The following PIGN variants were observed in gnomAD, a reference collection of about 807,000 sequenced individuals.
The protein encoded by PIGN is GPI ethanolamine phosphate transferase 1.
A neutral mutation model predicts 125.4 loss-of-function variants in PIGN; 117 were observed. The observed-to-expected ratio is 0.93, with a 90% CI of 0.80 to 1.09. The LOEUF (loss-of-function observed/expected upper bound fraction) is 1.09, where lower values mean the gene tolerates loss of function less well. Ranked by LOEUF, PIGN falls within the 50% of genes least tolerant of loss-of-function variation. The pLI, the probability that PIGN is intolerant of heterozygous loss-of-function variation, is 0.00. For missense variants in PIGN, 1,075 were observed against 1,094.9 expected, an observed-to-expected ratio of 0.98 and a Z score of 0.26; for synonymous variants, 392 against 377.8, an observed-to-expected ratio of 1.04 and a Z score of -0.44.
intron 28 of PIGN, among the ~76,000 whole-genome samples, chr18:62,076,705 C>T (rs1374889115): frequency 6.6e-6 from 1 of 152,082 alleles, no homozygotes; most frequent in Non-Finnish European, 1.5e-5. Flanking sequence ...AATTGTTTTT[C>T]TAACCATAGG....
chr18:62,168,597 T>C (rs1018086794), intron 1 of PIGN, among the ~76,000 whole-genome samples: 8 of 152,210 alleles, frequency 5.3e-5, no homozygotes, highest in African/African-American at 1.9e-4. Context: ...TACTCTCTTA[T>C]ACACCTACAG....
chr18:62,038,120 A>C (rs1456031017), downstream of PIGN, among the ~76,000 whole-genome samples: 1 of 152,208 alleles, frequency 6.6e-6, no homozygotes, highest in African/African-American at 2.4e-5. Flanking sequence ...AGTATTAGGC[A>C]TGAAAGCAGC....
At chr18:62,111,859 A>G (rs1045831196) in intron 16 of PIGN, among the ~76,000 whole-genome samples, 2 of 152,196 alleles carry the variant, frequency 1.3e-5, no homozygotes, top group Non-Finnish European at 2.9e-5. Flanking sequence ...CATACACTCA[A>G]TTAAATATTG....
At chr18:62,121,435 T>C (rs990131105) in intron 14 of PIGN, among the ~76,000 whole-genome samples, 4 of 152,204 alleles carry the variant, frequency 2.6e-5, no homozygotes, top group Non-Finnish European at 5.9e-5. Flanking sequence ...TGAATATTAT[T>C]CAATAAATAT....
At chr18:62,139,281 C>G (rs1222046063) in intron 12 of PIGN, among the ~76,000 whole-genome samples, 10 of 152,110 alleles carry the variant, frequency 6.6e-5, no homozygotes, top group Non-Finnish European at 1.5e-5. Flanking sequence ...GTAAGCAAAG[C>G]AAGAGATGAA....
intron 1 of PIGN, among the ~76,000 whole-genome samples, chr18:62,165,282 A>C (rs191726059): frequency 6.6e-6 from 1 of 152,300 alleles, no homozygotes; most frequent in Admixed American, 6.5e-5. Context: ...CCTCACCAGA[A>C]GCCAGGTCCG....
At chr18:62,178,130 C>T (rs1359010916) in intron 1 of PIGN, among the ~76,000 whole-genome samples, 1 of 152,102 alleles carries the variant, frequency 6.6e-6, no homozygotes, top group Non-Finnish European at 1.5e-5. Flanking sequence ...AAAGTCCATA[C>T]TAAATACAAG....
Position 62,161,401 on chromosome 18 carries a change from A to T in PIGN, c.-32-16T>A. The stretch of plus-strand genomic sequence containing the variant: ...TCAAGAACAGCTGAAAGAGAGAACA[A>T]AATTAAATTGGGGTAAATCTTAATG... On this transcript the variant is annotated splice_polypyrimidine_tract_variant and intron_variant, in intron 3 of 30. Coordinates refer to ENST00000640252, the MANE Select transcript of PIGN (RefSeq NM_176787.5). 1.6e-6 allele frequency: 2 copies of T among 1,269,758 alleles called. No individual in the cohort carries two copies. Among genetic ancestry groups the T allele is most frequent in the Non-Finnish European group, 1.1e-6 (1 of 888,246 alleles). 78.7% of individuals were successfully genotyped at this position (1,269,758 alleles called of 1,614,324 possible).
intron 30 of PIGN, among the ~76,000 whole-genome samples, chr18:62,049,203 C>T (rs1333583926): frequency 2.6e-5 from 4 of 152,220 alleles, no homozygotes; most frequent in African/African-American, 7.2e-5. Flanking sequence ...TTTATAGTCC[C>T]TTGGGTATAT....
chr18:62,148,666 G>A (rs1324581739), intron 7 of PIGN, among the ~76,000 whole-genome samples: 1 of 152,074 alleles, frequency 6.6e-6, no homozygotes, highest in African/African-American at 2.4e-5. Flanking sequence ...TTTGGCAAGA[G>A]TCAAAAATAA....
intron 11 of PIGN, among the ~76,000 whole-genome samples, chr18:62,142,783 C>T (rs910515876): frequency 1.3e-5 from 2 of 152,188 alleles, no homozygotes; most frequent in Non-Finnish European, 2.9e-5. Context: ...ACAGACAATG[C>T]TACTGATCTA....
intron 30 of PIGN, among the ~76,000 whole-genome samples, chr18:62,051,588 C>T (rs2031294414): frequency 6.6e-6 from 1 of 152,060 alleles, no homozygotes; most frequent in Admixed American, 6.6e-5. Context: ...TGATTCTTCT[C>T]TCTTTTCTTC....
chr18:62,074,644 A>G, intron 29 of PIGN, 135 bp downstream of exon 29: 1 of 540,320 alleles, frequency 1.9e-6, no homozygotes, highest in Non-Finnish European at 3.3e-6. Context: ...AACATAATTT[A>G]TTGTGTAAAT....
At chr18:62,038,813 G>C (rs898259384), downstream of PIGN, among the ~76,000 whole-genome samples, 1 of 152,024 alleles carries the variant, frequency 6.6e-6, no homozygotes, top group Admixed American at 6.6e-5. Context: ...AGCTATTCAG[G>C]AGGCTGAGGT....
intron 23 of PIGN, among the ~76,000 whole-genome samples, chr18:62,018,730 G>A (rs936063289): frequency 6.6e-6 from 1 of 152,120 alleles, no homozygotes; most frequent in African/African-American, 2.4e-5. Context: ...ACTGTGGGTG[G>A]CAAGCCCGAG....
chr18:62,040,079 C>T (rs1297621986), downstream of PIGN, among the ~76,000 whole-genome samples: 64 of 79,594 alleles, frequency 8.0e-4, 1 homozygote, highest in African/African-American at 3.2e-3. Context: ...GCCCCATCGA[C>T]GATGCCGCAC....
chr18:62,174,011 C>T (rs997205868), intron 1 of PIGN, among the ~76,000 whole-genome samples: 6 of 152,206 alleles, frequency 3.9e-5, no homozygotes, highest in East Asian at 3.9e-4. Context: ...GTCAAGAGTT[C>T]GAGACCAGCC....
intron 30 of PIGN, chr18:62,051,723 T>A (rs1370530244): frequency 6.6e-6 from 1 of 150,492 alleles, no homozygotes; most frequent in East Asian, 1.9e-4. Flanking sequence ...CTGATTTTAG[T>A]TATTTCTTGC....
In PIGN at chr18:62,145,008, CGGG is replaced by C. The variant is rs33928407; in HGVS notation, c.922+898_922+900del. 5.7e-4 allele frequency among the ~76,000 whole-genome samples: 81 copies of C among 142,142 alleles called. 4 individuals carry two copies. The highest frequency in any genetic ancestry group is 7.2e-3 in the Middle Eastern group (2 of 276). 93.3% of individuals were successfully genotyped at this position (142,142 alleles called of 152,430 possible). A position where few individuals can be genotyped will look rare whatever the true frequency, so the allele number is the denominator to read the frequency against. On this transcript the variant is annotated intron_variant, in intron 10 of 30. Transcript: ENST00000640252. Reference sequence around the variant, plus strand: ...AAGAACCTGTCTCTAAGGAAACTGGCGGGGGGGGGGGGGCAGGGTGGAGAAAGG... The same window carrying C: ...AAGAACCTGTCTCTAAGGAAACTGGCGGGGGGGGGGCAGGGTGGAGAAAGG...
Sources: gnomAD v4.1 joint callset for allele counts (sites outside exome capture counted in the v4.1 genomes callset) on GRCh38, gnomAD v4.1.1 for gene constraint, MANE v1.5 for transcripts, NCBI Gene and HGNC (gene_info 2026-07-23, HGNC 2026-07-21) for gene names.